Variants in PLD5 observed in about 807,000 individuals in gnomAD.
PLD5 encodes inactive phospholipase D5.
In PLD5, 36 loss-of-function variants were observed where a neutral mutation model predicts 61.1. The ratio of observed to expected loss-of-function variants is 0.59; its 90% confidence interval spans 0.45 to 0.78. The LOEUF (loss-of-function observed/expected upper bound fraction) is 0.78, where lower values mean the gene tolerates loss of function less well. Ranked by LOEUF, PLD5 falls within the 30% of genes least tolerant of loss-of-function variation. PLD5 has a pLI of 0.00. For missense variants in PLD5, 515 were observed against 644.4 expected (o/e 0.80, Z 2.17); for synonymous variants, 243 against 242.8 (o/e 1.00, Z -0.01).
rs1342073247 is a variant in PLD5 at position 242,220,729 on chromosome 1, ATTTTATTTTAT to A, written c.608-625_608-615del. 6.7e-4 allele frequency among the ~76,000 whole-genome samples: 97 copies of A among 145,746 alleles called. No individual in the cohort carries two copies. The East Asian group carries it at 0.018, about 27-fold the overall frequency. On this transcript the variant is annotated intron_variant, in intron 4 of 9. Transcript: ENST00000536534. ...TTTATATTTTATTTTATTTTATTTT[ATTTTATTTTAT>A]TTTATTTTATTTTTGAGACAGAGTC...
chr1:242,404,574 A>T lies in PLD5; in HGVS notation c.190-56332T>A, dbSNP rs115871509. 8.7e-4 allele frequency among the ~76,000 whole-genome samples: 132 copies of T among 152,192 alleles called. 1 individual carries two copies. Among genetic ancestry groups the T allele is most frequent in the African/African-American group, 3.1e-3 (129 of 41,518 alleles). On this transcript the variant is annotated intron_variant, in intron 1 of 9. Coordinates refer to ENST00000536534, the MANE Select transcript of PLD5 (RefSeq NM_001372062.1). ...CTGATCATCCTCATCAACTCTTCCA[A>T]ACGTGACTTCTCCATCCTCATAGAC... is the stretch of plus-strand genomic sequence containing the variant.
chr1:242,191,001 C>A (rs1668236635), intron 5 of PLD5, among the ~76,000 whole-genome samples: 1 of 152,072 alleles, frequency 6.6e-6, no homozygotes, highest in Admixed American at 6.6e-5. Flanking sequence ...ACAGGGACAA[C>A]ACGTTGGTAT....
intron 1 of PLD5, among the ~76,000 whole-genome samples, chr1:242,481,137 G>T (rs1201053485): frequency 6.6e-6 from 1 of 152,188 alleles, no homozygotes; most frequent in Non-Finnish European, 1.5e-5. Context: ...CCTGAGCGAT[G>T]CAGAAGACGA....
chr1:242,357,205 G>A (rs1380910355), intron 1 of PLD5, among the ~76,000 whole-genome samples: 1 of 151,854 alleles, frequency 6.6e-6, no homozygotes, highest in Non-Finnish European at 1.5e-5. Flanking sequence ...ATTCTTGGTT[G>A]GCAGGGTTGT....
chr1:242,247,945 T>C (rs1237107130), intron 4 of PLD5, among the ~76,000 whole-genome samples: 1 of 152,184 alleles, frequency 6.6e-6, no homozygotes, highest in African/African-American at 2.4e-5. Flanking sequence ...GCAGAATCTC[T>C]TCCCAACTGA....
intron 5 of PLD5, among the ~76,000 whole-genome samples, chr1:242,207,878 TTATATATTTA>T (rs1357625316): frequency 7.6e-4 from 13 of 17,160 alleles, no homozygotes; most frequent in African/African-American, 5.6e-3. Context: ...TTATATATAT[TTATATATTTA>T]TATATATTTA....
rs575139715 is a variant in PLD5 at position 242,212,938 on chromosome 1, T to C, written c.735+7050A>G. Among the ~76,000 whole-genome samples the C allele has an allele frequency of 1.9e-4, 29 of 152,294 alleles. No homozygotes were observed. In the South Asian group the frequency reaches 5.8e-3, roughly 30 times the overall value. ...AGGGAGAGAAATTACAGAAAGCCCA[T>C]GAATTAGATAAAGAGCAATTAAAAG... On this transcript the variant is annotated intron_variant, in intron 5 of 9. Coordinates refer to ENST00000536534, the MANE Select transcript of PLD5 (RefSeq NM_001372062.1).
At chr1:242,275,924 G>A (rs1252288444) in intron 3 of PLD5, among the ~76,000 whole-genome samples, 3 of 152,176 alleles carry the variant, frequency 2.0e-5, no homozygotes, top group African/African-American at 4.8e-5. Context: ...ACACAATCAC[G>A]TTTTTGTTCT....
chr1:242,286,750 T>C (rs1225033150), intron 3 of PLD5, among the ~76,000 whole-genome samples: 3 of 152,286 alleles, frequency 2.0e-5, no homozygotes, highest in African/African-American at 7.2e-5. Context: ...ATAAAATCTG[T>C]AGACTTTTCT....
chr1:242,319,521 C>T (rs1355316456), intron 2 of PLD5, among the ~76,000 whole-genome samples: 5 of 151,940 alleles, frequency 3.3e-5, no homozygotes. Flanking sequence ...TGCAAATCTG[C>T]CCCCCAGTTT....
At chr1:242,409,932 A>C (rs1290200699) in intron 1 of PLD5, among the ~76,000 whole-genome samples, 1 of 152,166 alleles carries the variant, frequency 6.6e-6, no homozygotes, top group Non-Finnish European at 1.5e-5. Flanking sequence ...TGTGTATCAA[A>C]GGTTGCCGGC....
intron 1 of PLD5, among the ~76,000 whole-genome samples, chr1:242,385,470 C>A (rs1398680943): frequency 1.1e-4 from 17 of 152,122 alleles, no homozygotes; most frequent in Non-Finnish European, 2.5e-4. Context: ...ACATTCTCAC[C>A]ACCTGTTTCT....
At chr1:242,513,240 C>T (rs578111699) in intron 1 of PLD5, among the ~76,000 whole-genome samples, 2 of 152,058 alleles carry the variant, frequency 1.3e-5, no homozygotes, top group East Asian at 3.9e-4. Context: ...TAGCATATGC[C>T]GTCTTATTCT....
chr1:242,394,997 G>GATTA (rs1216366344), intron 1 of PLD5, among the ~76,000 whole-genome samples: 1,511 of 56,764 alleles, frequency 0.027, 178 homozygotes, highest in East Asian at 0.084. Context: ...GAATATATAT[G>GATTA]TATATATGAA....
intron 1 of PLD5, among the ~76,000 whole-genome samples, chr1:242,359,216 G>C (rs1660932793): frequency 6.6e-6 from 1 of 152,150 alleles, no homozygotes. Flanking sequence ...ATATCCTCCT[G>C]TTTCCTGTTT....
chr1:242,214,871 CTTTTTTTTT>C lies in PLD5; in HGVS notation c.735+5108_735+5116del, dbSNP rs71570942. ...GTCCACTCGATATGTCATTAAACAC[CTTTTTTTTT>C]TTTTTTTTTTTTTTGAGATGGAGTC... On this transcript the variant is annotated intron_variant, in intron 5 of 9. Transcript: ENST00000536534. Among the ~76,000 whole-genome samples the C allele has an allele frequency of 2.0e-3, 189 of 92,490 alleles. 1 individual carries two copies. Among genetic ancestry groups the C allele is most frequent in the African/African-American group, 8.5e-3 (171 of 20,208 alleles). The allele number at this position is 92,490 out of a possible 152,430, so 60.7% of individuals were successfully genotyped here. A position where few individuals can be genotyped will look rare whatever the true frequency, so the allele number is the denominator to read the frequency against.
chr1:242,173,291 C>A (rs550578704), intron 5 of PLD5, among the ~76,000 whole-genome samples: 5 of 152,148 alleles, frequency 3.3e-5, no homozygotes, highest in Admixed American at 3.3e-4. Flanking sequence ...GAGTAAACTC[C>A]CATTCACAAT....
intron 1 of PLD5, among the ~76,000 whole-genome samples, chr1:242,371,202 A>G (rs1329765779): frequency 6.6e-6 from 1 of 152,104 alleles, no homozygotes; most frequent in Non-Finnish European, 1.5e-5. Context: ...CTTATTTTAG[A>G]AGGAACACAC....
At chr1:242,490,790 T>G (rs1668124144) in intron 1 of PLD5, among the ~76,000 whole-genome samples, 3 of 152,182 alleles carry the variant, frequency 2.0e-5, no homozygotes, top group Non-Finnish European at 4.4e-5. Context: ...CCCTAATGCT[T>G]CTCAGACTGT....
Sources: allele counts gnomAD v4.1 joint callset (sites outside exome capture counted in the v4.1 genomes callset), GRCh38; gene constraint gnomAD v4.1.1; transcripts MANE v1.5; gene names NCBI Gene and HGNC (gene_info 2026-07-23, HGNC 2026-07-21).